DHX30: variants seen among roughly 807,000 people sequenced by gnomAD.
The protein encoded by DHX30 is ATP-dependent RNA helicase DHX30.
Under a neutral mutation model 116.9 loss-of-function variants are expected in DHX30, and 4 were observed. The ratio of observed to expected loss-of-function variants is 0.03; its 90% CI spans 0.02 to 0.08. DHX30 has a LOEUF of 0.08. Ranked by LOEUF, DHX30 falls within the 10% of genes least tolerant of loss-of-function variation. The pLI is 1.00. For synonymous variants in DHX30, 697 were observed against 651.7 expected (o/e 1.07, Z -1.06); for missense variants, 871 against 1,595.1 (o/e 0.55, Z 7.73).
chr3:47,848,895 C>G lies in DHX30; in HGVS notation c.2770-25C>G, dbSNP rs201062327. 6.3e-7 allele frequency: 1 copy of G among 1,595,480 alleles called. No individual in the cohort carries two copies. Among genetic ancestry groups the G allele is most frequent in the Admixed American group, 1.7e-5 (1 of 59,224 alleles). ...CGTTGTCTAGCCCCTGCCTGTGATC[C>G]GGCTGCCCTCTTCTCCCCTCCCAGG... On this transcript the variant is annotated intron_variant, in intron 17 of 21. Coordinates refer to ENST00000445061, the MANE Select transcript of DHX30 (RefSeq NM_138615.3). This position sits in a 1 kb window ranked among gnomAD's most constrained non-coding sequence, Gnocchi z 9.4.
chr3:47,808,989 A>G (rs2035661136), intron 2 of DHX30, among the ~76,000 whole-genome samples: 1 of 151,508 alleles, frequency 6.6e-6, no homozygotes, highest in South Asian at 2.1e-4. Flanking sequence ...CCCGGATTCA[A>G]GCGATTCTCC....
chr3:47,847,236 C>T lies in DHX30; in HGVS notation c.1930-37C>T, dbSNP rs199634358. 60 of 1,613,566 alleles carry T rather than the reference C, an allele frequency of 3.7e-5. No individual in the cohort carries two copies. The highest frequency in any genetic ancestry group is 2.7e-4 in the East Asian group (12 of 44,884). On this transcript the variant is annotated intron_variant, in intron 11 of 21. Coordinates refer to ENST00000445061, the MANE Select transcript of DHX30 (RefSeq NM_138615.3). This position sits in a 1 kb window ranked among gnomAD's most constrained non-coding sequence, Gnocchi z 5.5. ...GTGTCCTTGGCATGACCCCTTACCCCGGGGCTGTGACTGTGGCCTCTCTTC... is the reference window on the plus strand; with the variant it reads ...GTGTCCTTGGCATGACCCCTTACCCTGGGGCTGTGACTGTGGCCTCTCTTC...
chr3:47,817,819 A>G (rs965688065), intron 3 of DHX30, among the ~76,000 whole-genome samples: 1 of 152,144 alleles, frequency 6.6e-6, no homozygotes, highest in Non-Finnish European at 1.5e-5. Context: ...TAAGGCTGTC[A>G]CATATCACAT....
intron 2 of DHX30, among the ~76,000 whole-genome samples, chr3:47,806,367 C>T (rs1448142627): frequency 1.3e-5 from 2 of 151,244 alleles, no homozygotes; most frequent in African/African-American, 2.4e-5. Context: ...TAACCTCAAA[C>T]TCCTGACCTT....
chr3:47,839,587 C>G (rs1246558800), intron 6 of DHX30, among the ~76,000 whole-genome samples: 2 of 152,044 alleles, frequency 1.3e-5, no homozygotes, highest in Non-Finnish European at 2.9e-5. Flanking sequence ...AGCCACCGTG[C>G]CCAGCCTTCA....
chr3:47,841,263 A>G, intron 7 of DHX30, 85 bp downstream of exon 7: 2 of 1,533,158 alleles, frequency 1.3e-6, no homozygotes, highest in Non-Finnish European at 1.7e-6. Context: ...GCTTTCTCTG[A>G]GATGGGAGCG....
intron 4 of DHX30, among the ~76,000 whole-genome samples, chr3:47,820,908 T>C (rs564665065): frequency 2.4e-3 from 345 of 145,742 alleles, no homozygotes; most frequent in African/African-American, 8.2e-3. Context: ...GGCTCTCTCT[T>C]TTTTTTTTTT....
chr3:47,831,104 G>A (rs2036828063), intron 6 of DHX30: 1 of 150,902 alleles, frequency 6.6e-6, no homozygotes, highest in Non-Finnish European at 1.5e-5. Flanking sequence ...GAATACATGA[G>A]ACTGGGTAAT....
At chr3:47,845,466 C>A in intron 9 of DHX30, 1 of 353,196 alleles carries the variant, frequency 2.8e-6, no homozygotes, top group Non-Finnish European at 4.9e-6. Context: ...GGATTACAGG[C>A]GTGAGCCACC....
At chr3:47,809,281 G>C (rs1433473154) in intron 2 of DHX30, among the ~76,000 whole-genome samples, 1 of 106,322 alleles carries the variant, frequency 9.4e-6, no homozygotes, top group African/African-American at 3.7e-5. Context: ...TCACTCTGTC[G>C]CCCAGGCTGG....
Position 47,848,279 on chromosome 3 carries a change from C to T in DHX30, c.2386C>T (p.Pro796Ser), listed in dbSNP as rs775131401. The change falls in exon 15 of 22, where the codon CCT becomes TCT. Residue 796 changes from proline (P) to serine (S), a missense_variant. Physicochemically the swap from Pro to Ser is moderately conservative, Grantham distance 74 (BLOSUM62 -1). Transcript: ENST00000445061. The surrounding 1 kb of genome is among the most constrained non-coding windows in gnomAD (Gnocchi z 9.4). ...GTCCGGCTTTGCCTACCACTTGTTC[C>T]CTCGAAGCCGGCTGGAGAAAATGGT... The part of the protein sequence containing the change: ...CQSGFAYHLF[P>S]RSRLEKMVPF... 6.2e-7 allele frequency: 1 copy of T among 1,613,832 alleles called. No individual in the cohort carries two copies. The highest frequency in any genetic ancestry group is 1.1e-5 in the South Asian group (1 of 91,080).
intron 4 of DHX30, among the ~76,000 whole-genome samples, chr3:47,823,357 G>A (rs77165373): frequency 7.8e-6 from 1 of 128,036 alleles, no homozygotes; most frequent in Non-Finnish European, 1.7e-5. Flanking sequence ...CCTGGTTGTT[G>A]TTTTTTTTTT....
chr3:47,820,899 G>GCT (rs769021285), intron 4 of DHX30, among the ~76,000 whole-genome samples: 1 of 148,580 alleles, frequency 6.7e-6, no homozygotes, highest in Non-Finnish European at 1.5e-5. Context: ...CATGCGTAAG[G>GCT]CTCTCTCTTT....
chr3:47,830,188 G>A (rs1226838741), intron 6 of DHX30, among the ~76,000 whole-genome samples: 2 of 149,792 alleles, frequency 1.3e-5, no homozygotes, highest in Non-Finnish European at 3.0e-5. Context: ...GGTGGCTCAC[G>A]CCTGTATTCC....
At chr3:47,836,038 A>G (rs1398154315) in intron 6 of DHX30, among the ~76,000 whole-genome samples, 1 of 152,264 alleles carries the variant, frequency 6.6e-6, no homozygotes. Context: ...TACCCTGCTC[A>G]AAATAGCAAT....
intron 3 of DHX30, among the ~76,000 whole-genome samples, chr3:47,814,631 CTG>C (rs2035967375): frequency 6.6e-6 from 1 of 151,686 alleles, no homozygotes; most frequent in Non-Finnish European, 1.5e-5. Flanking sequence ...TGCCATTTTT[CTG>C]CCTCAGCCTC....
chr3:47,819,874 A>T (rs1179288696), intron 4 of DHX30, among the ~76,000 whole-genome samples: 1 of 151,994 alleles, frequency 6.6e-6, no homozygotes, highest in Non-Finnish European at 1.5e-5. Context: ...GTCCCCTGTC[A>T]CTCGGCCCCA....
chr3:47,828,409 G>A (rs2036644907), intron 5 of DHX30, among the ~76,000 whole-genome samples: 1 of 148,548 alleles, frequency 6.7e-6, no homozygotes, highest in Admixed American at 6.8e-5. Flanking sequence ...GCAGTAAGCT[G>A]TGATCGTGCC....
Position 47,848,699 on chromosome 3 carries a change from C to G in DHX30, c.2651C>G (p.Ala884Gly). 6.2e-7 allele frequency: 1 copy of G among 1,614,190 alleles called. No individual in the cohort carries two copies. Among genetic ancestry groups the G allele is most frequent in the Non-Finnish European group, 8.5e-7 (1 of 1,180,026 alleles). The change falls in exon 17 of 22, where the codon GCC becomes GGC. Residue 884 changes from alanine to glycine, a missense_variant. Transcript: ENST00000445061. This position sits in a 1 kb window ranked among gnomAD's most constrained non-coding sequence, Gnocchi z 9.4. ...LAHISTDPRL[A>G]KAIVLAAIFR... is the part of the protein sequence containing the mutation. Reference sequence around the variant, plus strand: ...CACATCTCCACCGACCCCCGGTTGGCCAAGGCCATTGTGTTGGCTGCCATC... The same window carrying G: ...CACATCTCCACCGACCCCCGGTTGGGCAAGGCCATTGTGTTGGCTGCCATC...
Sources: allele counts gnomAD v4.1 joint callset (sites outside exome capture counted in the v4.1 genomes callset), GRCh38; gene constraint gnomAD v4.1.1; non-coding constraint Gnocchi (gnomAD v3.1); transcripts MANE v1.5; gene names NCBI Gene and HGNC (gene_info 2026-07-23, HGNC 2026-07-21).